SH3BGRL2: variants seen among roughly 807,000 people sequenced by gnomAD.
SH3BGRL2 encodes the protein SH3 domain-binding glutamic acid-rich-like protein 2.
Under a neutral mutation model 14.8 loss-of-function variants are expected in SH3BGRL2, and 21 were observed. The ratio of observed to expected loss-of-function variants is 1.42; its 90% CI spans 1.01 to 2.05. SH3BGRL2 has a LOEUF of 2.05. Ranked by LOEUF, SH3BGRL2 falls within the 30% of genes most tolerant of loss-of-function variation. SH3BGRL2 has a pLI of 0.00. For missense variants in SH3BGRL2, 147 were observed against 130.8 expected (o/e 1.12, Z -0.61); for synonymous variants, 50 against 47.8 (o/e 1.05, Z -0.19).
chr6:79,673,588 C>T (rs1769818036), intron 1 of SH3BGRL2, 26 bp from the exon 2 acceptor site: 1 of 1,609,026 alleles, frequency 6.2e-7, no homozygotes, highest in Non-Finnish European at 8.5e-7. Flanking sequence ...AGCGTATCTA[C>T]TTATTTGTTT....
At chr6:79,668,607 G>A (rs1031760340) in intron 1 of SH3BGRL2, among the ~76,000 whole-genome samples, 2 of 152,080 alleles carry the variant, frequency 1.3e-5, no homozygotes, top group Admixed American at 6.5e-5. Flanking sequence ...TAGTGGGGGG[G>A]AGTGGTTGAG....
At chr6:79,631,745 G>A (rs1284122273) in intron 1 of SH3BGRL2, among the ~76,000 whole-genome samples, 1 of 152,236 alleles carries the variant, frequency 6.6e-6, no homozygotes, top group African/African-American at 2.4e-5. Context: ...AGACAACGCG[G>A]CCTGAAAATG....
chr6:79,618,507 A>T, the SH3BGRL2 span, among the ~76,000 whole-genome samples: 2 of 152,158 alleles, frequency 1.3e-5, no homozygotes, highest in Non-Finnish European at 2.9e-5. Context: ...GGAGTTTGAG[A>T]CCAGCCTGGC....
At chr6:79,582,483 A>T in the SH3BGRL2 span, among the ~76,000 whole-genome samples, 1 of 152,174 alleles carries the variant, frequency 6.6e-6, no homozygotes, top group Non-Finnish European at 1.5e-5. Flanking sequence ...ATAACACCAC[A>T]CATCTACAAC....
Position 79,650,691 on chromosome 6 carries a change from A to G in SH3BGRL2, c.45+19185A>G, listed in dbSNP as rs1045948517. ...GCACTGTGGTCAGATTGGCATCAAG[A>G]CATCCTTGAGGGATCTGCCCCCATG... On this transcript the variant is annotated intron_variant, in intron 1 of 3. Transcript: ENST00000369838. Among the ~76,000 whole-genome samples the G allele has an allele frequency of 2.6e-5, 4 of 152,208 alleles. No homozygotes were observed. In the East Asian group the frequency reaches 7.7e-4, roughly 29 times the overall value.
chr6:79,667,627 AG>A (rs1334864591), intron 1 of SH3BGRL2, among the ~76,000 whole-genome samples: 1 of 151,976 alleles, frequency 6.6e-6, no homozygotes, highest in Non-Finnish European at 1.5e-5. Context: ...TTGTATTTTT[AG>A]TAGAGATGAG....
the SH3BGRL2 span, among the ~76,000 whole-genome samples, chr6:79,616,784 T>TG: frequency 2.0e-5 from 3 of 152,190 alleles, no homozygotes; most frequent in African/African-American, 7.2e-5. Flanking sequence ...ACCTGTCACA[T>TG]GCTGCCCTTG....
the SH3BGRL2 span, among the ~76,000 whole-genome samples, chr6:79,600,339 A>G: frequency 6.6e-6 from 1 of 151,996 alleles, no homozygotes; most frequent in South Asian, 2.1e-4. Flanking sequence ...ACAACATTTA[A>G]CTCCCTTTAA....
chr6:79,563,976 A>G, the SH3BGRL2 span, among the ~76,000 whole-genome samples: 1 of 152,250 alleles, frequency 6.6e-6, no homozygotes, highest in Non-Finnish European at 1.5e-5. Context: ...CAATCAGGCT[A>G]TCAGCAAAGA....
intron 1 of SH3BGRL2, among the ~76,000 whole-genome samples, chr6:79,635,272 T>C (rs917197335): frequency 1.3e-5 from 2 of 152,234 alleles, no homozygotes; most frequent in African/African-American, 4.8e-5. Context: ...AAGATATTTT[T>C]AGTGAAGCCC....
chr6:79,544,061 G>A, the SH3BGRL2 span, among the ~76,000 whole-genome samples: 2 of 152,116 alleles, frequency 1.3e-5, no homozygotes, highest in African/African-American at 4.8e-5. Context: ...CTACCCTGCA[G>A]GGGATAGAAT....
the SH3BGRL2 span, among the ~76,000 whole-genome samples, chr6:79,543,975 G>A: frequency 6.6e-6 from 1 of 152,096 alleles, no homozygotes; most frequent in South Asian, 2.1e-4. Context: ...GTGGTTATGA[G>A]GAATTAGAAC....
intron 2 of SH3BGRL2, among the ~76,000 whole-genome samples, chr6:79,689,954 C>T (rs1770176266): frequency 6.6e-6 from 1 of 152,080 alleles, no homozygotes; most frequent in South Asian, 2.1e-4. Context: ...TTCATTCCTA[C>T]ATTTCACACT....
At chr6:79,680,225 T>C (rs539488726) in intron 2 of SH3BGRL2, among the ~76,000 whole-genome samples, 1 of 152,164 alleles carries the variant, frequency 6.6e-6, no homozygotes, top group Non-Finnish European at 1.5e-5. Flanking sequence ...GGTCCTTGGG[T>C]TTGTGTCTTC....
chr6:79,583,187 G>A, the SH3BGRL2 span, among the ~76,000 whole-genome samples: 1 of 152,294 alleles, frequency 6.6e-6, no homozygotes, highest in African/African-American at 2.4e-5. Context: ...GTTGGTGGTA[G>A]TGTAAATTAG....
At chr6:79,690,598 A>G (rs1314084095) in intron 2 of SH3BGRL2, among the ~76,000 whole-genome samples, 1 of 152,226 alleles carries the variant, frequency 6.6e-6, no homozygotes, top group East Asian at 1.9e-4. Context: ...TACAGAAAGA[A>G]AGAAAGTCTG....
intron 2 of SH3BGRL2, among the ~76,000 whole-genome samples, chr6:79,676,601 A>ATGTGTGTG (rs1470702025): frequency 7.2e-4 from 82 of 114,394 alleles, no homozygotes; most frequent in Non-Finnish European, 1.3e-3. Context: ...TTATGTCTTT[A>ATGTGTGTG]TGTATGTGTG....
chr6:79,626,871 T>A (rs1768742350), upstream of SH3BGRL2, among the ~76,000 whole-genome samples: 1 of 152,184 alleles, frequency 6.6e-6, no homozygotes, highest in Admixed American at 6.5e-5. Context: ...CTACCCATGC[T>A]TTACATAGGT....
the SH3BGRL2 span, among the ~76,000 whole-genome samples, chr6:79,613,311 C>A: frequency 6.6e-6 from 1 of 152,140 alleles, no homozygotes; most frequent in Admixed American, 6.5e-5. Context: ...CTGAAGCAGG[C>A]CTTTGTGCCT....
Sources: allele counts gnomAD v4.1 joint callset (sites outside exome capture counted in the v4.1 genomes callset), GRCh38; gene constraint gnomAD v4.1.1; transcripts MANE v1.5; gene names NCBI Gene and HGNC (gene_info 2026-07-23, HGNC 2026-07-21).